Variants in MYRIP observed in about 807,000 individuals in gnomAD.
The protein encoded by MYRIP is myosin VIIA and Rab interacting protein.
MYRIP carries 49 observed loss-of-function variants against 98.0 expected under a neutral mutation model. That is an observed-to-expected ratio of 0.50 (90% CI 0.40 to 0.63). The LOEUF (loss-of-function observed/expected upper bound fraction) is 0.63. MYRIP is among the 30% of genes least tolerant of loss of function. The probability of loss-of-function intolerance (pLI) is 0.00; values close to 1 mark genes in which losing one functional copy is unlikely to be tolerated. For synonymous variants in MYRIP, 404 were observed against 409.5 expected (o/e 0.99, Z 0.16); for missense variants, 1,004 against 1,058.2 (o/e 0.95, Z 0.71).
rs565677966 is a variant in MYRIP at position 40,164,619 on chromosome 3, T to C, written c.550+1809T>C. On this transcript the variant is annotated intron_variant, in intron 5 of 16. Coordinates refer to ENST00000302541, the MANE Select transcript of MYRIP (RefSeq NM_015460.4). ...TGTTTGATTAAATAACTGGGTACTA[T>C]AGCCTAGCCACGTTGACACATTGAC... is the stretch of plus-strand genomic sequence containing the variant. Among the ~76,000 whole-genome samples, 93 of 152,348 alleles carry C rather than the reference T, an allele frequency of 6.1e-4. No individual in the cohort carries two copies. In the South Asian group the frequency reaches 0.012, roughly 20 times the overall value.
chr3:39,855,746 G>A lies in MYRIP; in HGVS notation c.-30-45041G>A, dbSNP rs112501845. Among the ~76,000 whole-genome samples the A allele has an allele frequency of 7.2e-5, 11 of 152,260 alleles. 1 individual carries two copies. The highest frequency in any genetic ancestry group is 2.4e-4 in the African/African-American group (10 of 41,548). On this transcript the variant is annotated intron_variant, in intron 1 of 16. Coordinates refer to ENST00000302541, the MANE Select transcript of MYRIP (RefSeq NM_015460.4). ...GCTGCCCCACTGAGAAAGCAAGCATGGCTTTTGGACCTTGCCTATCCCTGT... is the reference window on the plus strand; with the variant it reads ...GCTGCCCCACTGAGAAAGCAAGCATAGCTTTTGGACCTTGCCTATCCCTGT...
chr3:39,955,860 A>G (rs1945144137), intron 2 of MYRIP, among the ~76,000 whole-genome samples: 1 of 152,186 alleles, frequency 6.6e-6, no homozygotes, highest in African/African-American at 2.4e-5. Context: ...AAAACAAAAA[A>G]AAGCAGGGGT....
At chr3:39,931,831 C>T (rs1032333795) in intron 2 of MYRIP, among the ~76,000 whole-genome samples, 4 of 152,068 alleles carry the variant, frequency 2.6e-5, no homozygotes, top group African/African-American at 9.7e-5. Flanking sequence ...AGATGTTATA[C>T]CAATTTTGCA....
chr3:40,077,714 T>C (rs527931639), intron 3 of MYRIP, among the ~76,000 whole-genome samples: 1 of 152,346 alleles, frequency 6.6e-6, no homozygotes, highest in South Asian at 2.1e-4. Flanking sequence ...AGTAGCTAGA[T>C]ACAGAGTGTG....
chr3:40,126,925 T>C (rs1949536754), intron 3 of MYRIP, among the ~76,000 whole-genome samples: 1 of 152,208 alleles, frequency 6.6e-6, no homozygotes, highest in Non-Finnish European at 1.5e-5. Context: ...GAAAGTTCTC[T>C]GCAGACCTCA....
intron 3 of MYRIP, among the ~76,000 whole-genome samples, chr3:40,076,303 G>A (rs1948341952): frequency 6.6e-6 from 1 of 152,154 alleles, no homozygotes; most frequent in African/African-American, 2.4e-5. Context: ...AGTGTTCCAG[G>A]TTGGCCAGTA....
intron 3 of MYRIP, among the ~76,000 whole-genome samples, chr3:40,057,682 T>G (rs1179576215): frequency 6.6e-6 from 1 of 152,202 alleles, no homozygotes; most frequent in Non-Finnish European, 1.5e-5. Context: ...GTAATGATCT[T>G]CTGCACTAGA....
intron 1 of MYRIP, among the ~76,000 whole-genome samples, chr3:39,840,475 G>A (rs1331729035): frequency 6.6e-6 from 1 of 152,148 alleles, no homozygotes. Flanking sequence ...TTACATTTAA[G>A]GTTAGTATTG....
At chr3:40,041,185 T>A (rs1472124027) in intron 2 of MYRIP, among the ~76,000 whole-genome samples, 1 of 135,810 alleles carries the variant, frequency 7.4e-6, no homozygotes, top group African/African-American at 2.7e-5. Context: ...CATTATGGAG[T>A]TAGGAAATCA....
intron 9 of MYRIP, among the ~76,000 whole-genome samples, chr3:40,188,124 A>G (rs1025357084): frequency 1.4e-4 from 21 of 152,200 alleles, no homozygotes; most frequent in Non-Finnish European, 2.9e-4. Flanking sequence ...AGGCAGTGGA[A>G]GTGGAACTGG....
At chr3:40,003,133 C>CTA (rs1018602666) in intron 2 of MYRIP, among the ~76,000 whole-genome samples, 9 of 150,440 alleles carry the variant, frequency 6.0e-5, no homozygotes, top group Non-Finnish European at 1.3e-4. Flanking sequence ...ATCTGTATAT[C>CTA]TATATATATC....
intron 2 of MYRIP, among the ~76,000 whole-genome samples, chr3:39,965,969 G>C (rs1198722010): frequency 6.6e-6 from 1 of 152,160 alleles, no homozygotes; most frequent in Non-Finnish European, 1.5e-5. Flanking sequence ...AATACACATT[G>C]TGAAAGTGAA....
intron 2 of MYRIP, among the ~76,000 whole-genome samples, chr3:39,981,513 G>T (rs1945895589): frequency 6.6e-6 from 1 of 152,064 alleles, no homozygotes; most frequent in Non-Finnish European, 1.5e-5. Flanking sequence ...AATATGGGGA[G>T]GTCATCAAAA....
At chr3:40,050,642 A>G (rs1453769129) in intron 3 of MYRIP, among the ~76,000 whole-genome samples, 4 of 152,184 alleles carry the variant, frequency 2.6e-5, no homozygotes, top group African/African-American at 9.6e-5. Context: ...TTTCAGAAAT[A>G]CATTTCATAA....
chr3:39,998,688 A>G (rs1946434650), intron 2 of MYRIP, among the ~76,000 whole-genome samples: 1 of 152,176 alleles, frequency 6.6e-6, no homozygotes. Context: ...TTTAAAGTTC[A>G]TATGGAACCA....
intron 4 of MYRIP, among the ~76,000 whole-genome samples, chr3:40,156,605 T>A (rs956641447): frequency 2.0e-5 from 3 of 151,888 alleles, no homozygotes; most frequent in Non-Finnish European, 2.9e-5. Context: ...TTTCACGATA[T>A]TGATTCTTCC....
chr3:39,863,664 G>A (rs1942533833), intron 1 of MYRIP, among the ~76,000 whole-genome samples: 2 of 152,148 alleles, frequency 1.3e-5, no homozygotes, highest in African/African-American at 4.8e-5. Context: ...AATTGAATCA[G>A]TAATATAAAG....
intron 4 of MYRIP, among the ~76,000 whole-genome samples, chr3:40,160,410 G>A (rs1444406865): frequency 6.6e-6 from 1 of 152,216 alleles, no homozygotes; most frequent in African/African-American, 2.4e-5. Flanking sequence ...TGTCAGACAG[G>A]GACATTTAAG....
chr3:39,847,363 T>C (rs1191189228), intron 1 of MYRIP, among the ~76,000 whole-genome samples: 1 of 152,162 alleles, frequency 6.6e-6, no homozygotes, highest in African/African-American at 2.4e-5. Flanking sequence ...AGTCAGTACA[T>C]GATAAGGAGG....
Sources: gnomAD v4.1 joint callset for allele counts (sites outside exome capture counted in the v4.1 genomes callset) on GRCh38, gnomAD v4.1.1 for gene constraint, MANE v1.5 for transcripts, NCBI Gene and HGNC (gene_info 2026-07-23, HGNC 2026-07-21) for gene names.